The following CYSTM1 variants were observed in gnomAD, a reference collection of about 807,000 sequenced individuals.
The protein encoded by CYSTM1 is cysteine-rich transmembrane module-containing protein 1.
Under a neutral mutation model 13.1 loss-of-function variants are expected in CYSTM1, and 4 were observed. That is an observed-to-expected ratio of 0.31 (90% CI 0.15 to 0.70). CYSTM1 has a LOEUF of 0.70. Among genes scored for constraint, CYSTM1 ranks in the 30% least tolerant of loss-of-function variants. The probability of loss-of-function intolerance (pLI) is 0.72; values close to 1 mark genes in which losing one functional copy is unlikely to be tolerated. For synonymous variants in CYSTM1, 36 were observed against 42.7 expected (o/e 0.84, Z 0.62); for missense variants, 96 against 121.6 (o/e 0.79, Z 0.99).
chr5:140,196,461 G>T (rs1407330639), intron 2 of CYSTM1, among the ~76,000 whole-genome samples: 1 of 152,178 alleles, frequency 6.6e-6, no homozygotes, highest in African/African-American at 2.4e-5. Flanking sequence ...TCATGGAAAA[G>T]ATTATACTTT....
At chr5:140,184,148 C>T (rs1480459343) in intron 1 of CYSTM1, among the ~76,000 whole-genome samples, 13 of 152,126 alleles carry the variant, frequency 8.5e-5, no homozygotes. Context: ...GTGATCTATT[C>T]AGGTTTAGAA....
At position 140,243,428 on chromosome 5, in the gene CYSTM1, G is replaced by T. The variant is rs777789747; in HGVS notation, c.*17G>T. 1 of 1,610,146 alleles carries T rather than the reference G, an allele frequency of 6.2e-7. No individual in the cohort carries two copies. The highest frequency in any genetic ancestry group is 1.7e-5 in the Admixed American group (1 of 59,800). ...CTCACCTGACCAGACCAGCCCAGCC[G>T]TCCTGTCCTGCCAGCTCTGCTGCCA... is the stretch of plus-strand genomic sequence containing the variant. On this transcript the variant is annotated 3_prime_UTR_variant, in exon 3 of 3. Coordinates refer to ENST00000261811, the MANE Select transcript of CYSTM1 (RefSeq NM_032412.4).
intron 1 of CYSTM1, among the ~76,000 whole-genome samples, chr5:140,185,774 G>A (rs116549669): frequency 6.6e-5 from 10 of 152,316 alleles, no homozygotes; most frequent in African/African-American, 2.4e-4. Flanking sequence ...CTTCCTAGGA[G>A]AAGGCCTACA....
intron 2 of CYSTM1, among the ~76,000 whole-genome samples, chr5:140,211,229 A>G (rs1764362622): frequency 6.6e-6 from 1 of 152,232 alleles, no homozygotes; most frequent in Admixed American, 6.5e-5. Flanking sequence ...AGGTCTTCTT[A>G]TCTCCATCAT....
At chr5:140,234,003 C>T (rs574651383) in intron 2 of CYSTM1, among the ~76,000 whole-genome samples, 61 of 152,184 alleles carry the variant, frequency 4.0e-4, no homozygotes, top group Admixed American at 1.6e-3. Context: ...TATTTTATCA[C>T]GTTTTTGGTG....
intron 2 of CYSTM1, among the ~76,000 whole-genome samples, chr5:140,233,802 C>T (rs1231389227): frequency 6.6e-6 from 1 of 152,154 alleles, no homozygotes; most frequent in South Asian, 2.1e-4. Flanking sequence ...AGTCTTTTAT[C>T]CACTTTCAAA....
chr5:140,204,637 C>T (rs1336473718), intron 2 of CYSTM1, among the ~76,000 whole-genome samples: 1 of 152,126 alleles, frequency 6.6e-6, no homozygotes, highest in African/African-American at 2.4e-5. Flanking sequence ...ATTCAAATCT[C>T]ATTAACACTA....
chr5:140,239,904 T>TC lies in CYSTM1; in HGVS notation c.188-3401_188-3400insC, dbSNP rs1339297445. 5.3e-5 allele frequency among the ~76,000 whole-genome samples: 8 copies of TC among 152,210 alleles called. No homozygotes were observed. The East Asian group carries it at 1.5e-3, about 29-fold the overall frequency. On this transcript the variant is annotated intron_variant, in intron 2 of 2. Coordinates refer to ENST00000261811, the MANE Select transcript of CYSTM1 (RefSeq NM_032412.4). This position sits in a 1 kb window ranked among gnomAD's most constrained non-coding sequence, Gnocchi z 5.4. ...ATAGTCCCTTCTTCTCTGGGGCCGG[T>TC]TGAATAGGGTGGTCTGAGACACTAG...
intron 1 of CYSTM1, among the ~76,000 whole-genome samples, chr5:140,189,089 C>G (rs1369744938): frequency 6.6e-6 from 1 of 152,040 alleles, no homozygotes; most frequent in Non-Finnish European, 1.5e-5. Context: ...TTTGGCTGTT[C>G]TTGTACCTCA....
At chr5:140,222,689 C>T (rs1272549556) in intron 2 of CYSTM1, among the ~76,000 whole-genome samples, 1 of 152,192 alleles carries the variant, frequency 6.6e-6, no homozygotes, top group Non-Finnish European at 1.5e-5. Flanking sequence ...GCCATCTGCC[C>T]CTGCCTAGAA....
intron 1 of CYSTM1, among the ~76,000 whole-genome samples, chr5:140,190,060 G>A (rs1764072478): frequency 6.6e-6 from 1 of 152,124 alleles, no homozygotes; most frequent in African/African-American, 2.4e-5. Flanking sequence ...CGTGGTGCCT[G>A]TCTGTTAAAT....
intron 2 of CYSTM1, among the ~76,000 whole-genome samples, chr5:140,226,495 A>T (rs57787324): frequency 6.8e-4 from 71 of 104,270 alleles, no homozygotes; most frequent in African/African-American, 2.7e-3. Flanking sequence ...ATATATATAT[A>T]ATATATATAA....
rs1764513798 is a variant in CYSTM1 at position 140,223,572 on chromosome 5, G to A, written c.188-19733G>A. Among the ~76,000 whole-genome samples the A allele has an allele frequency of 2.0e-5, 3 of 152,238 alleles. No homozygotes were observed. The South Asian group carries it at 6.2e-4, about 32-fold the overall frequency. Reference sequence around the variant, plus strand: ...GCGGCTACCATTTCATTACCCTGATGGTTACCTTATTTTCCGGATGCTGGA... The same window carrying A: ...GCGGCTACCATTTCATTACCCTGATAGTTACCTTATTTTCCGGATGCTGGA... On this transcript the variant is annotated intron_variant, in intron 2 of 2. Coordinates refer to ENST00000261811, the MANE Select transcript of CYSTM1 (RefSeq NM_032412.4).
rs577709524 is a variant in CYSTM1 at position 140,178,441 on chromosome 5, C to CTTTTTTTTTTTTTTTTTTTTTT, written c.-21+3160_-21+3181dup. Among the ~76,000 whole-genome samples, 66 of 52,668 alleles carry CTTTTTTTTTTTTTTTTTTTTTT rather than the reference C, an allele frequency of 1.3e-3. 11 individuals carry two copies. Among genetic ancestry groups the CTTTTTTTTTTTTTTTTTTTTTT allele is most frequent in the African/African-American group, 1.5e-3 (18 of 11,822 alleles). The allele number at this position is 52,668 out of a possible 152,430, so 34.6% of individuals were successfully genotyped here. On this transcript the variant is annotated intron_variant, in intron 1 of 2. Transcript: ENST00000261811. ...TGGAAAAGCCCTATTCAAGTCCTTC[C>CTTTTTTTTTTTTTTTTTTTTTT]TTTTTTTTTTTTTTTTTTTTTTTTT...
rs1243879899 is a variant in CYSTM1, at chr5:140,219,548, C to T, written c.188-23757C>T. 3.3e-5 allele frequency among the ~76,000 whole-genome samples: 5 copies of T among 152,046 alleles called. No homozygotes were observed. Among genetic ancestry groups the T allele is most frequent in the South Asian group, 4.2e-4 (2 of 4,814 alleles). Reference sequence around the variant, plus strand: ...GTGTACCAGCCTCTAAACTGAGGTGCGTTCAGGAGAAAACACTACTGTTTT... The same window carrying T: ...GTGTACCAGCCTCTAAACTGAGGTGTGTTCAGGAGAAAACACTACTGTTTT... On this transcript the variant is annotated intron_variant, in intron 2 of 2. Coordinates refer to ENST00000261811, the MANE Select transcript of CYSTM1 (RefSeq NM_032412.4). This position sits in a 1 kb window ranked among gnomAD's most constrained non-coding sequence, Gnocchi z 4.1.
intron 2 of CYSTM1, among the ~76,000 whole-genome samples, chr5:140,218,236 T>C (rs1425323398): frequency 6.6e-6 from 1 of 152,188 alleles, no homozygotes; most frequent in East Asian, 1.9e-4. Context: ...CTCTTTTTTT[T>C]CCCATTTCCA....
At chr5:140,224,084 G>T (rs1764521188) in intron 2 of CYSTM1, among the ~76,000 whole-genome samples, 2 of 152,188 alleles carry the variant, frequency 1.3e-5, no homozygotes, top group African/African-American at 4.8e-5. Flanking sequence ...TATTTAAATA[G>T]CAAGCTTTTA....
chr5:140,213,587 C>T (rs75369073), intron 2 of CYSTM1, among the ~76,000 whole-genome samples: 2,412 of 152,274 alleles, frequency 0.016, 66 homozygotes, highest in African/African-American at 0.056. Context: ...AGAGCAACTT[C>T]CAGGCCTGTA....
At chr5:140,220,135 T>C (rs1393547293) in intron 2 of CYSTM1, among the ~76,000 whole-genome samples, 1 of 152,252 alleles carries the variant, frequency 6.6e-6, no homozygotes, top group Non-Finnish European at 1.5e-5. Flanking sequence ...TCTTACCTTT[T>C]CTCTCCTTGC....
Sources: allele counts gnomAD v4.1 joint callset (sites outside exome capture counted in the v4.1 genomes callset), GRCh38; gene constraint gnomAD v4.1.1; non-coding constraint Gnocchi (gnomAD v3.1); transcripts MANE v1.5; gene names NCBI Gene and HGNC (gene_info 2026-07-23, HGNC 2026-07-21).